The following ATP10A variants were observed in gnomAD, a reference collection of about 807,000 sequenced individuals.
ATP10A encodes phospholipid-transporting ATPase VA.
ATP10A carries 111 observed loss-of-function variants against 147.8 expected under a neutral mutation model. The observed-to-expected ratio is 0.75, with a 90% CI of 0.64 to 0.88. The LOEUF (loss-of-function observed/expected upper bound fraction) is 0.88, where lower values mean the gene tolerates loss of function less well. ATP10A is among the 40% of genes least tolerant of loss of function. The pLI is 0.00. For missense variants in ATP10A, 1,927 were observed against 1,959.0 expected (o/e 0.98, Z 0.31); for synonymous variants, 875 against 841.6 (o/e 1.04, Z -0.69).
intron 2 of ATP10A, among the ~76,000 whole-genome samples, chr15:25,778,994 A>G (rs1333589670): frequency 6.6e-6 from 1 of 152,142 alleles, no homozygotes; most frequent in African/African-American, 2.4e-5. Flanking sequence ...CTCCTGCCTC[A>G]GCCTCCCGAG....
rs559490795 is a variant in ATP10A at position 25,718,468 on chromosome 15, G to A, written c.1364-69C>T. 8.0e-6 allele frequency: 12 copies of A among 1,490,698 alleles called. No individual in the cohort carries two copies. The East Asian group carries it at 2.7e-4, about 34-fold the overall frequency. 92.3% of individuals were successfully genotyped at this position (1,490,698 alleles called of 1,614,324 possible). ...GGGCGGAGCAGAAAGAAACCATTCA[G>A]TGTGTTTTAGGTTCCGCGAGGCTTC... On this transcript the variant is annotated intron_variant, in intron 7 of 20. Coordinates refer to ENST00000555815, the MANE Select transcript of ATP10A (RefSeq NM_024490.4).
chr15:25,694,919 C>T lies in ATP10A; in HGVS notation c.2988G>A (p.Lys996=), dbSNP rs1362466727. 1 of 1,614,180 alleles carries T rather than the reference C, an allele frequency of 6.2e-7. No individual in the cohort carries two copies. Among genetic ancestry groups the T allele is most frequent in the Admixed American group, 1.7e-5 (1 of 60,024 alleles). The stretch of plus-strand genomic sequence containing the variant: ...GACAGCAGAGGACGGAGCGGCACTG[C>T]TTGGCAAGGAAGAGGAATTTGTCCT... ...NLEDKFLFLA[K]QCRSVLCCRS... Residue 996 remains lysine, a synonymous_variant, in exon 14 of 21, where the codon AAG becomes AAA. Coordinates refer to ENST00000555815, the MANE Select transcript of ATP10A (RefSeq NM_024490.4).
intron 2 of ATP10A, among the ~76,000 whole-genome samples, chr15:25,774,772 A>G (rs550528247): frequency 1.4e-4 from 22 of 152,288 alleles, no homozygotes; most frequent in African/African-American, 4.3e-4. Context: ...TATGTCTCAA[A>G]TAATCATATT....
chr15:25,762,437 C>T (rs1467000121), intron 2 of ATP10A, among the ~76,000 whole-genome samples: 3 of 152,048 alleles, frequency 2.0e-5, no homozygotes, highest in Admixed American at 6.6e-5. Context: ...CCACCACGCC[C>T]GGCAAATTCG....
At chr15:25,707,350 A>C (rs1243337328) in intron 12 of ATP10A, among the ~76,000 whole-genome samples, 2 of 152,166 alleles carry the variant, frequency 1.3e-5, no homozygotes, top group African/African-American at 4.8e-5. Flanking sequence ...GGGGTGGACC[A>C]TCCTCAACAC....
Position 25,680,218 on chromosome 15 carries a change from G to T in ATP10A, c.3769C>A (p.Pro1257Thr), listed in dbSNP as rs185024491. ...ATAGTCCAGTAAGGGTTGGACGGAG[G>T]ATAGCACGTGGCACAAGACGCATTG... ...IYNASCATCY[P>T]PSNPYWTMQA... is the part of the protein sequence containing the mutation. The change falls in exon 20 of 21, where the codon CCT becomes ACT. Residue 1257 changes from proline (P) to threonine (T), a missense_variant. Physicochemically the swap from Pro to Thr is conservative, Grantham distance 38. Transcript: ENST00000555815. 6.2e-6 allele frequency: 10 copies of T among 1,614,106 alleles called. No individual in the cohort carries two copies. In the East Asian group the frequency reaches 2.0e-4, roughly 32 times the overall value.
intron 1 of ATP10A, among the ~76,000 whole-genome samples, chr15:25,834,895 A>C (rs1892523999): frequency 6.6e-6 from 1 of 152,200 alleles, no homozygotes; most frequent in African/African-American, 2.4e-5. Flanking sequence ...CATTTTTGTG[A>C]AATGCGCAGA....
At chr15:25,814,211 G>A (rs1015881432) in intron 1 of ATP10A, among the ~76,000 whole-genome samples, 2 of 152,180 alleles carry the variant, frequency 1.3e-5, no homozygotes, top group African/African-American at 4.8e-5. Flanking sequence ...TGGAAACAAT[G>A]AAGCAAAAAG....
intron 1 of ATP10A, among the ~76,000 whole-genome samples, chr15:25,807,574 G>T (rs982139855): frequency 8.5e-5 from 13 of 152,140 alleles, no homozygotes; most frequent in African/African-American, 2.9e-4. Flanking sequence ...AGGCCAAGGC[G>T]GGCAGATCAC....
At chr15:25,815,634 C>G (rs1446676717) in intron 1 of ATP10A, among the ~76,000 whole-genome samples, 1 of 8,312 alleles carries the variant, frequency 1.2e-4, no homozygotes, top group Non-Finnish European at 3.5e-4. Flanking sequence ...ATCACACAGA[C>G]TAAAACCAAA....
intron 16 of ATP10A, among the ~76,000 whole-genome samples, chr15:25,684,740 G>A (rs1391602734): frequency 6.6e-6 from 1 of 152,176 alleles, no homozygotes; most frequent in Non-Finnish European, 1.5e-5. Flanking sequence ...CGCAAGGCCT[G>A]GGCTTGGTTC....
chr15:25,696,538 C>A (rs1202428067), intron 13 of ATP10A, among the ~76,000 whole-genome samples: 1 of 152,344 alleles, frequency 6.6e-6, no homozygotes, highest in East Asian at 1.9e-4. Context: ...GGGCAGGACG[C>A]ATAGGCTCAT....
chr15:25,828,433 CAT>C (rs1318904187), intron 1 of ATP10A, among the ~76,000 whole-genome samples: 2 of 152,166 alleles, frequency 1.3e-5, no homozygotes, highest in African/African-American at 4.8e-5. Flanking sequence ...GGATCGATAC[CAT>C]ACTAAGTAGG....
At chr15:25,692,436 G>A (rs752923975) in intron 14 of ATP10A, among the ~76,000 whole-genome samples, 46 of 152,266 alleles carry the variant, frequency 3.0e-4, no homozygotes, top group Non-Finnish European at 5.7e-4. Context: ...ACTCCGTGAC[G>A]GTCACCATTC....
intron 14 of ATP10A, among the ~76,000 whole-genome samples, chr15:25,693,173 C>T (rs1900128168): frequency 6.6e-6 from 1 of 152,070 alleles, no homozygotes; most frequent in African/African-American, 2.4e-5. Flanking sequence ...AGGTGTGTGC[C>T]ACCACACACA....
chr15:25,826,036 T>C (rs12904276), intron 1 of ATP10A, among the ~76,000 whole-genome samples: 1 of 151,714 alleles, frequency 6.6e-6, no homozygotes, highest in African/African-American at 2.4e-5. Context: ...ATAAATGAAA[T>C]AAAAATTTGA....
chr15:25,708,442 G>A (rs1275730758), intron 10 of ATP10A, 142 bp from the exon 11 acceptor site: 2 of 663,042 alleles, frequency 3.0e-6, no homozygotes, highest in African/African-American at 1.8e-5. Flanking sequence ...GCAAAAATGA[G>A]CTGTTATGTT....
At chr15:25,810,684 C>G (rs938304823) in intron 1 of ATP10A, among the ~76,000 whole-genome samples, 3 of 152,084 alleles carry the variant, frequency 2.0e-5, no homozygotes, top group Non-Finnish European at 2.9e-5. Context: ...GAAAAACGAG[C>G]CAGCACCGCC....
chr15:25,758,809 A>ACTCATTCCGACCACCTGCTCCACC (rs1888583585), intron 2 of ATP10A, among the ~76,000 whole-genome samples: 1 of 95,324 alleles, frequency 1.0e-5, no homozygotes, highest in Non-Finnish European at 2.1e-5. Context: ...CTCCACCCTA[A>ACTCATTCCGACCACCTGCTCCACC]CTCATTCCGA....
Sources: allele counts gnomAD v4.1 joint callset (sites outside exome capture counted in the v4.1 genomes callset), GRCh38; gene constraint gnomAD v4.1.1; transcripts MANE v1.5; gene names NCBI Gene and HGNC (gene_info 2026-07-23, HGNC 2026-07-21).